Variants in RPS6KC1 observed in about 807,000 individuals in gnomAD.
RPS6KC1 encodes inactive ribosomal protein S6 kinase delta-1.
A neutral mutation model predicts 103.8 loss-of-function variants in RPS6KC1; 54 were observed. The ratio of observed to expected loss-of-function variants is 0.52; its 90% confidence interval spans 0.42 to 0.65. The LOEUF (loss-of-function observed/expected upper bound fraction) is 0.65. RPS6KC1 is among the 30% of genes least tolerant of loss of function. The pLI, the probability that RPS6KC1 is intolerant of heterozygous loss-of-function variation, is 0.00. For missense variants in RPS6KC1, 1,151 were observed against 1,253.8 expected (o/e 0.92, Z 1.24); for synonymous variants, 439 against 438.7 (o/e 1.00, Z -0.01).
chr1:213,635,806 A>T, the RPS6KC1 span, among the ~76,000 whole-genome samples: 24 of 152,250 alleles, frequency 1.6e-4, no homozygotes, highest in Admixed American at 4.6e-4. Context: ...GGGTATTCAA[A>T]TAGGAAAAGA....
At chr1:213,762,990 C>T in the RPS6KC1 span, among the ~76,000 whole-genome samples, 10 of 152,006 alleles carry the variant, frequency 6.6e-5, no homozygotes, top group Admixed American at 5.9e-4. Flanking sequence ...TCCCAAGTAG[C>T]TGGGATTACA....
At chr1:213,689,489 C>T in the RPS6KC1 span, among the ~76,000 whole-genome samples, 1 of 152,166 alleles carries the variant, frequency 6.6e-6, no homozygotes, top group Non-Finnish European at 1.5e-5. Flanking sequence ...CATTTTCTGC[C>T]TCTTAGGTGT....
intron 12 of RPS6KC1, among the ~76,000 whole-genome samples, chr1:213,256,648 A>T (rs2094651301): frequency 6.6e-6 from 1 of 151,864 alleles, no homozygotes; most frequent in South Asian, 2.1e-4. Context: ...CCTCTAGGGG[A>T]TTCTTAGGTC....
the RPS6KC1 span, among the ~76,000 whole-genome samples, chr1:213,579,205 G>A: frequency 6.6e-6 from 1 of 152,064 alleles, no homozygotes; most frequent in African/African-American, 2.4e-5. Flanking sequence ...CACCATGACT[G>A]TGAGGCCTTC....
chr1:213,409,991 C>T, the RPS6KC1 span, among the ~76,000 whole-genome samples: 10 of 152,104 alleles, frequency 6.6e-5, no homozygotes, highest in Non-Finnish European at 1.0e-4. Flanking sequence ...AGTGAGAGCC[C>T]CGTCTCTAAA....
intron 6 of RPS6KC1, among the ~76,000 whole-genome samples, chr1:213,162,714 A>G (rs1006107493): frequency 1.3e-5 from 2 of 152,206 alleles, no homozygotes; most frequent in African/African-American, 4.8e-5. Flanking sequence ...GGTATTTAAC[A>G]CTCTATGATA....
the RPS6KC1 span, among the ~76,000 whole-genome samples, chr1:213,568,188 A>G: frequency 6.6e-6 from 1 of 152,246 alleles, no homozygotes. Context: ...CTGTAAAGAT[A>G]GAGCAACCAG....
intron 4 of RPS6KC1, among the ~76,000 whole-genome samples, chr1:213,105,779 T>G (rs11806743): frequency 0.036 from 5,495 of 152,302 alleles, 278 homozygotes; most frequent in African/African-American, 0.12. Flanking sequence ...CAAATCAAAT[T>G]GATAGAGTAT....
the RPS6KC1 span, among the ~76,000 whole-genome samples, chr1:213,787,029 G>T: frequency 6.6e-6 from 1 of 152,184 alleles, no homozygotes; most frequent in South Asian, 2.1e-4. Flanking sequence ...AGAATGAAAT[G>T]ATTAAGCAAT....
the RPS6KC1 span, among the ~76,000 whole-genome samples, chr1:213,861,588 T>G: frequency 6.6e-6 from 1 of 152,204 alleles, no homozygotes; most frequent in Non-Finnish European, 1.5e-5. Flanking sequence ...ACACTCTCAA[T>G]GCAAAGCCAT....
the RPS6KC1 span, among the ~76,000 whole-genome samples, chr1:213,396,516 C>T: frequency 2.0e-5 from 3 of 152,224 alleles, no homozygotes; most frequent in Non-Finnish European, 4.4e-5. Context: ...CCACCGAACA[C>T]GTGTGGACGG....
chr1:213,577,493 C>G, the RPS6KC1 span, among the ~76,000 whole-genome samples: 2 of 152,194 alleles, frequency 1.3e-5, no homozygotes, highest in Admixed American at 1.3e-4. Flanking sequence ...GAGGTTGGAA[C>G]AGTTTGGAGG....
the RPS6KC1 span, among the ~76,000 whole-genome samples, chr1:213,852,484 CCTA>C: frequency 4.6e-5 from 7 of 151,996 alleles, no homozygotes; most frequent in African/African-American, 1.2e-4. Flanking sequence ...TCAAAAATAA[CCTA>C]CTACTTCTTT....
chr1:213,346,532 G>A, the RPS6KC1 span, among the ~76,000 whole-genome samples: 5 of 152,136 alleles, frequency 3.3e-5, no homozygotes, highest in African/African-American at 2.4e-5. Context: ...AAGACAGAAA[G>A]TAGAATTGAA....
At chr1:213,255,548 G>T (rs983609982) in intron 12 of RPS6KC1, among the ~76,000 whole-genome samples, 4 of 152,046 alleles carry the variant, frequency 2.6e-5, no homozygotes, top group African/African-American at 9.7e-5. Flanking sequence ...ATAAATCAGT[G>T]TTGTTGGTTT....
the RPS6KC1 span, among the ~76,000 whole-genome samples, chr1:213,339,437 A>G: frequency 6.6e-6 from 1 of 152,190 alleles, no homozygotes; most frequent in Admixed American, 6.5e-5. Flanking sequence ...AGCCTGGTCC[A>G]AATTGTCCAT....
At chr1:213,081,593 G>A (rs1365569900) in intron 3 of RPS6KC1, among the ~76,000 whole-genome samples, 1 of 151,662 alleles carries the variant, frequency 6.6e-6, no homozygotes, top group African/African-American at 2.4e-5. Context: ...AATAACAAAA[G>A]TGATGGTATA....
chr1:213,127,568 A>G (rs1156586497), intron 5 of RPS6KC1, among the ~76,000 whole-genome samples: 1 of 152,178 alleles, frequency 6.6e-6, no homozygotes. Context: ...TTGAAAGAAC[A>G]ATTAACAAAC....
the RPS6KC1 span, among the ~76,000 whole-genome samples, chr1:213,745,808 G>T: frequency 1.3e-5 from 2 of 152,232 alleles, no homozygotes; most frequent in South Asian, 2.1e-4. Context: ...TCCTGGGAAG[G>T]CTCAGTGCTT....
Sources: gnomAD v4.1 joint callset for allele counts (sites outside exome capture counted in the v4.1 genomes callset) on GRCh38, gnomAD v4.1.1 for gene constraint, MANE v1.5 for transcripts, NCBI Gene and HGNC (gene_info 2026-07-23, HGNC 2026-07-21) for gene names.